Variants in COBLL1 observed in about 807,000 individuals in gnomAD.
The protein encoded by COBLL1 is cordon-bleu protein-like 1.
COBLL1 carries 50 observed loss-of-function variants against 94.8 expected under a neutral mutation model. The observed-to-expected ratio is 0.53, with a 90% CI of 0.42 to 0.67. COBLL1 has a LOEUF of 0.67. COBLL1 is among the 30% of genes least tolerant of loss of function. The pLI is 0.00. For missense variants in COBLL1, 1,362 were observed against 1,348.7 expected (o/e 1.01, Z -0.15); for synonymous variants, 448 against 473.8 (o/e 0.95, Z 0.71).
chr2:164,691,252 C>G (rs1028582609), intron 13 of COBLL1, among the ~76,000 whole-genome samples: 1 of 152,086 alleles, frequency 6.6e-6, no homozygotes, highest in Non-Finnish European at 1.5e-5. Context: ...TTGAAAGGCC[C>G]GGAAAGCCTT....
intron 2 of COBLL1, among the ~76,000 whole-genome samples, chr2:164,792,731 C>T (rs925585153): frequency 5.9e-5 from 9 of 152,100 alleles, no homozygotes; most frequent in African/African-American, 2.2e-4. Flanking sequence ...GTATTTATAA[C>T]ATCAATTTTG....
At chr2:164,820,397 T>C (rs951667822) in intron 2 of COBLL1, among the ~76,000 whole-genome samples, 13 of 151,830 alleles carry the variant, frequency 8.6e-5, no homozygotes, top group African/African-American at 2.7e-4. Flanking sequence ...TTTTCTGTAT[T>C]TGTTACAGAT....
chr2:164,727,767 C>T (rs527429173), intron 5 of COBLL1, among the ~76,000 whole-genome samples: 1 of 150,710 alleles, frequency 6.6e-6, no homozygotes, highest in Admixed American at 6.6e-5. Context: ...ATTTCAATAA[C>T]TGAAATTAAG....
chr2:164,740,724 T>C (rs1186505820), intron 3 of COBLL1, among the ~76,000 whole-genome samples: 1 of 152,170 alleles, frequency 6.6e-6, no homozygotes, highest in Admixed American at 6.5e-5. Flanking sequence ...ACACATACAT[T>C]GCAGCATAGA....
intron 2 of COBLL1, among the ~76,000 whole-genome samples, chr2:164,804,365 T>C (rs1683980407): frequency 6.6e-6 from 1 of 152,106 alleles, no homozygotes; most frequent in African/African-American, 2.4e-5. Context: ...TATTCATGCG[T>C]GCTTTTTTTA....
chr2:164,705,012 C>T lies in COBLL1; in HGVS notation c.1090G>A (p.Ala364Thr), dbSNP rs1684509561. Residue 364 changes from alanine (A) to threonine (T), a missense_variant, in exon 8 of 14, where the codon GCA (alanine) becomes ACA (threonine). By Grantham distance (58) the Ala-to-Thr change is moderately conservative. Coordinates refer to ENST00000652658, the MANE Select transcript of COBLL1 (RefSeq NM_001365672.2). ...NSSLRRTKRK[A>T]PSPPSKIPPH... is the part of the protein sequence containing the mutation. Reference sequence around the variant, plus strand: ...GGTATTTTGGAGGGTGGGGAAGGTGCTTTTCGCTTTGTCCTTCTCAAAGAT... The same window carrying T: ...GGTATTTTGGAGGGTGGGGAAGGTGTTTTTCGCTTTGTCCTTCTCAAAGAT... 6.2e-7 allele frequency: 1 copy of T among 1,605,296 alleles called. No individual in the cohort carries two copies. The highest frequency in any genetic ancestry group is 2.3e-5 in the East Asian group (1 of 44,276).
intron 2 of COBLL1, among the ~76,000 whole-genome samples, chr2:164,839,611 CTTTT>C (rs1238885660): frequency 6.6e-6 from 1 of 152,150 alleles, no homozygotes; most frequent in Non-Finnish European, 1.5e-5. Context: ...GTTTTTCTTT[CTTTT>C]TTGTTTTTTA....
chr2:164,779,001 G>A (rs1044823327), intron 2 of COBLL1, among the ~76,000 whole-genome samples: 14 of 152,140 alleles, frequency 9.2e-5, no homozygotes. Flanking sequence ...AGGAAGACAA[G>A]ACTTCACAGG....
At chr2:164,672,718 A>AC (rs1691264755) in intron 1 of COBLL1, among the ~76,000 whole-genome samples, 1 of 150,294 alleles carries the variant, frequency 6.7e-6, no homozygotes, top group African/African-American at 2.5e-5. Context: ...AAAAAAAAAA[A>AC]AAAAAAAAAA....
At position 164,727,961 on chromosome 2, in the gene COBLL1, T is replaced by C; in HGVS notation, c.661+8A>G. 6.4e-7 allele frequency: 1 copy of C among 1,550,452 alleles called. No homozygotes were observed. Among genetic ancestry groups the C allele is most frequent in the East Asian group, 2.2e-5 (1 of 44,488 alleles). On this transcript the variant is annotated splice_region_variant and intron_variant, in intron 5 of 13. Coordinates refer to ENST00000652658, the MANE Select transcript of COBLL1 (RefSeq NM_001365672.2). ...CCACTAAATAAATAAAATAAAAGTCTTACTTACCTCTGTTGACATCCATCG... is the reference window on the plus strand; with the variant it reads ...CCACTAAATAAATAAAATAAAAGTCCTACTTACCTCTGTTGACATCCATCG...
intron 2 of COBLL1, among the ~76,000 whole-genome samples, chr2:164,665,241 G>A (rs1270089900): frequency 6.7e-6 from 1 of 149,898 alleles, no homozygotes; most frequent in Non-Finnish European, 1.5e-5. Flanking sequence ...TGAGACATGA[G>A]AATCATTTGA....
In COBLL1 at chr2:164,792,579, ATTAC is replaced by A. The variant is rs557632147; in HGVS notation, c.41+48573_41+48576del. ...TTATTCATTATGTAACCTTAAGTAA[ATTAC>A]TTAACCTCCAAGCCTTAATTTCCTC... On this transcript the variant is annotated intron_variant, in intron 2 of 13. Transcript: ENST00000652658. Among the ~76,000 whole-genome samples, 63 of 152,310 alleles carry A rather than the reference ATTAC, an allele frequency of 4.1e-4. 1 individual carries two copies. In the South Asian group the frequency reaches 0.012, roughly 29 times the overall value.
At chr2:164,712,058 A>C (rs1684927463) in intron 7 of COBLL1, among the ~76,000 whole-genome samples, 1 of 152,170 alleles carries the variant, frequency 6.6e-6, no homozygotes, top group Admixed American at 6.5e-5. Context: ...AATCCCCCAG[A>C]ATTCACACCC....
intron 2 of COBLL1, among the ~76,000 whole-genome samples, chr2:164,832,827 T>C (rs766617831): frequency 3.3e-5 from 5 of 151,948 alleles, no homozygotes; most frequent in Non-Finnish European, 7.4e-5. Context: ...GCGGATCACC[T>C]GAGGACGGGA....
chr2:164,826,446 A>T (rs2105372221), intron 2 of COBLL1, among the ~76,000 whole-genome samples: 1 of 152,364 alleles, frequency 6.6e-6, no homozygotes, highest in South Asian at 2.1e-4. Context: ...TCCACATCAC[A>T]GTCGCCTGTT....
At chr2:164,768,536 T>C (rs905775271) in intron 2 of COBLL1, among the ~76,000 whole-genome samples, 6 of 152,142 alleles carry the variant, frequency 3.9e-5, no homozygotes, top group African/African-American at 1.2e-4. Context: ...AATTAAGATA[T>C]AAATACAGAA....
intron 2 of COBLL1, among the ~76,000 whole-genome samples, chr2:164,783,821 C>G (rs1482811146): frequency 2.0e-5 from 3 of 151,776 alleles, no homozygotes; most frequent in Non-Finnish European, 4.4e-5. Context: ...AAAAAATTAG[C>G]CAGGCATGGT....
chr2:164,738,207 A>C (rs1380852530), intron 3 of COBLL1: 1 of 152,184 alleles, frequency 6.6e-6, no homozygotes, highest in African/African-American at 2.4e-5. Flanking sequence ...CATGCCATTG[A>C]ATGCTCTCTC....
At chr2:164,825,987 C>T (rs1418433246) in intron 2 of COBLL1, among the ~76,000 whole-genome samples, 2 of 152,082 alleles carry the variant, frequency 1.3e-5, no homozygotes, top group Admixed American at 1.3e-4. Flanking sequence ...TATATGATAA[C>T]CTATGATTAG....
Sources: gnomAD v4.1 joint callset for allele counts (sites outside exome capture counted in the v4.1 genomes callset) on GRCh38, gnomAD v4.1.1 for gene constraint, MANE v1.5 for transcripts, NCBI Gene and HGNC (gene_info 2026-07-23, HGNC 2026-07-21) for gene names.